Variants in DIP2C observed in about 807,000 individuals in gnomAD.
DIP2C encodes the protein DIP2 acetate--CoA ligase C (putative), also known as disco-interacting protein 2 homolog C.
In DIP2C, 33 loss-of-function variants were observed where a neutral mutation model predicts 192.4. The ratio of observed to expected loss-of-function variants is 0.17; its 90% confidence interval spans 0.13 to 0.23. The LOEUF is 0.23. Ranked by LOEUF, DIP2C falls within the 10% of genes least tolerant of loss-of-function variation. The probability of loss-of-function intolerance (pLI) is 1.00; values close to 1 mark genes in which losing one functional copy is unlikely to be tolerated. For missense variants in DIP2C, 1,537 were observed against 2,110.1 expected (o/e 0.73, Z 5.32); for synonymous variants, 979 against 864.1 (o/e 1.13, Z -2.33).
intron 36 of DIP2C, among the ~76,000 whole-genome samples, chr10:280,342 T>C (rs940881733): frequency 1.3e-5 from 2 of 152,184 alleles, no homozygotes; most frequent in African/African-American, 4.8e-5. Context: ...CATACCTCCC[T>C]CAGGGTTTCT....
At chr10:658,856 C>A (rs1856573359) in intron 1 of DIP2C, among the ~76,000 whole-genome samples, 1 of 152,216 alleles carries the variant, frequency 6.6e-6, no homozygotes. Flanking sequence ...ATCTCTCTCC[C>A]TGAGAGGACA....
intron 1 of DIP2C, among the ~76,000 whole-genome samples, chr10:619,545 T>TCCCACCCA (rs796675005): frequency 1.2e-3 from 19 of 15,874 alleles, no homozygotes; most frequent in South Asian, 5.4e-3. Context: ...CCGCCCGCCC[T>TCCCACCCA]CCCACCCAGC....
At chr10:353,567 A>C (rs533330973) in intron 24 of DIP2C, among the ~76,000 whole-genome samples, 1 of 151,592 alleles carries the variant, frequency 6.6e-6, no homozygotes, top group African/African-American at 2.4e-5. Context: ...TTTTTTTTGT[A>C]TTTTAGTAGA....
chr10:685,161 A>T lies in DIP2C; in HGVS notation c.85+4333T>A, dbSNP rs12767953. Among the ~76,000 whole-genome samples, 244 of 31,748 alleles carry T rather than the reference A, an allele frequency of 7.7e-3. 3 individuals are homozygous for T. The highest frequency in any genetic ancestry group is 0.023 in the African/African-American group (221 of 9,540). The allele number at this position is 31,748 out of a possible 152,430, so 20.8% of individuals were successfully genotyped here. A position where few individuals can be genotyped will look rare whatever the true frequency, so the allele number is the denominator to read the frequency against. On this transcript the variant is annotated intron_variant, in intron 1 of 36. Transcript: ENST00000280886. ...AAAAAAAAAAAAAAAAAAAAAAAAA[A>T]ATATATATATATATATATATATATA...
intron 21 of DIP2C, 70 bp from the exon 22 acceptor site, chr10:362,761 A>C: frequency 6.8e-7 from 1 of 1,477,506 alleles, no homozygotes; most frequent in South Asian, 1.3e-5. Context: ...ATATTATGCA[A>C]AATATGATCC....
At chr10:476,029 G>C (rs1441119414) in intron 2 of DIP2C, among the ~76,000 whole-genome samples, 2 of 152,242 alleles carry the variant, frequency 1.3e-5, no homozygotes, top group East Asian at 3.8e-4. Flanking sequence ...TCAGTTTGGG[G>C]AACTGTGATT....
intron 1 of DIP2C, among the ~76,000 whole-genome samples, chr10:624,824 G>C (rs917192361): frequency 4.7e-4 from 72 of 152,284 alleles, no homozygotes; most frequent in Admixed American, 8.5e-4. Context: ...GCACCCACGA[G>C]AAAACTACGG....
chr10:633,534 G>A (rs377584063), intron 1 of DIP2C, among the ~76,000 whole-genome samples: 25 of 152,320 alleles, frequency 1.6e-4, no homozygotes, highest in Middle Eastern at 6.8e-3. Flanking sequence ...CACTGCTCAC[G>A]CATTCCTCTC....
chr10:603,331 A>AAAAAAAC (rs1852229327), intron 1 of DIP2C, among the ~76,000 whole-genome samples: 1 of 129,364 alleles, frequency 7.7e-6, no homozygotes, highest in Non-Finnish European at 1.6e-5. Context: ...AAAAAAAAAA[A>AAAAAAAC]AACCAACCAT....
intron 1 of DIP2C, among the ~76,000 whole-genome samples, chr10:497,151 CCTTA>C (rs1480673418): frequency 2.0e-5 from 3 of 152,178 alleles, no homozygotes; most frequent in African/African-American, 4.8e-5. Context: ...TCAATCTCTA[CCTTA>C]CTCACAATAC....
intron 32 of DIP2C, among the ~76,000 whole-genome samples, chr10:298,615 T>C (rs1371562971): frequency 6.6e-6 from 1 of 152,194 alleles, no homozygotes; most frequent in Non-Finnish European, 1.5e-5. Context: ...GCCCATTAGC[T>C]TGTGATGGGC....
intron 1 of DIP2C, among the ~76,000 whole-genome samples, chr10:501,846 G>A (rs1396858332): frequency 2.0e-5 from 3 of 152,124 alleles, no homozygotes; most frequent in South Asian, 2.1e-4. Context: ...CTGCACCTTC[G>A]TGGCACTTCA....
chr10:625,507 G>C (rs949625988), intron 1 of DIP2C, among the ~76,000 whole-genome samples: 1 of 152,108 alleles, frequency 6.6e-6, no homozygotes, highest in Non-Finnish European at 1.5e-5. Context: ...GCTCCCCTAC[G>C]GGGAGCCTGC....
At chr10:426,986 A>C (rs940405462) in intron 4 of DIP2C, among the ~76,000 whole-genome samples, 6 of 152,366 alleles carry the variant, frequency 3.9e-5, no homozygotes, top group African/African-American at 1.2e-4. Context: ...AAAATTAGTA[A>C]ACTGGACTTC....
chr10:464,087 A>G (rs1970011857), intron 3 of DIP2C, among the ~76,000 whole-genome samples: 1 of 152,224 alleles, frequency 6.6e-6, no homozygotes. Flanking sequence ...AGACATGGCC[A>G]AAGACTTCAA....
At chr10:494,110 C>A (rs934377133) in intron 1 of DIP2C, among the ~76,000 whole-genome samples, 5 of 152,208 alleles carry the variant, frequency 3.3e-5, no homozygotes, top group African/African-American at 1.2e-4. Context: ...TGCTGGGCCA[C>A]AGGGGATGGT....
At position 440,853 on chromosome 10, in the gene DIP2C, G is replaced by A. The variant is rs74598446; in HGVS notation, c.394+18C>T. On this transcript the variant is annotated intron_variant, in intron 4 of 36. Transcript: ENST00000280886. Reference sequence around the variant, plus strand: ...CCCGGCACATTCAGGAGGCCGTGTCGGGGAGCGTGTCCCTTACCTGGAGGG... The same window carrying A: ...CCCGGCACATTCAGGAGGCCGTGTCAGGGAGCGTGTCCCTTACCTGGAGGG... The A allele has an allele frequency of 2.5e-5, 40 of 1,606,628 alleles. No individual in the cohort carries two copies. Among genetic ancestry groups the A allele is most frequent in the Middle Eastern group, 1.7e-4 (1 of 6,030 alleles).
intron 17 of DIP2C, among the ~76,000 whole-genome samples, chr10:374,517 T>C (rs1961343256): frequency 6.6e-6 from 1 of 152,208 alleles, no homozygotes; most frequent in Non-Finnish European, 1.5e-5. Flanking sequence ...GAGGGCTGAG[T>C]GCTACCCAAA....
chr10:462,287 G>C (rs1969849777), intron 3 of DIP2C, among the ~76,000 whole-genome samples: 1 of 151,888 alleles, frequency 6.6e-6, no homozygotes, highest in African/African-American at 2.4e-5. Context: ...CCACTAGCCA[G>C]ACAAAGAAGA....
Sources: allele counts gnomAD v4.1 joint callset (sites outside exome capture counted in the v4.1 genomes callset), GRCh38; gene constraint gnomAD v4.1.1; transcripts MANE v1.5; gene names NCBI Gene and HGNC (gene_info 2026-07-23, HGNC 2026-07-21).